DSE: variants seen among roughly 807,000 people sequenced by gnomAD.
DSE encodes dermatan sulfate epimerase.
Under a neutral mutation model 84.4 loss-of-function variants are expected in DSE, and 36 were observed. The ratio of observed to expected loss-of-function variants is 0.43; its 90% CI spans 0.33 to 0.56. DSE has a LOEUF of 0.56. Among genes scored for constraint, DSE ranks in the 20% least tolerant of loss-of-function variants. The pLI is 0.06. For synonymous variants in DSE, 410 were observed against 430.1 expected (o/e 0.95, Z 0.58); for missense variants, 862 against 1,169.6 (o/e 0.74, Z 3.84).
chr6:116,423,219 G>GCT (rs1783204530), intron 2 of DSE: 1 of 152,148 alleles, frequency 6.6e-6, no homozygotes, highest in African/African-American at 2.4e-5. Flanking sequence ...TAAAGTGTGA[G>GCT]TTCAAAAAGA....
intron 2 of DSE, among the ~76,000 whole-genome samples, chr6:116,301,172 GGAGA>G (rs375062902): frequency 3.3e-5 from 5 of 149,724 alleles, no homozygotes; most frequent in African/African-American, 2.5e-5. Context: ...AGGGAGGGAG[GGAGA>G]GAGAGAGAGA....
chr6:116,265,782 T>G (rs1772595289), intron 2 of DSE, among the ~76,000 whole-genome samples: 1 of 152,154 alleles, frequency 6.6e-6, no homozygotes, highest in Non-Finnish European at 1.5e-5. Context: ...AGTTCAGATC[T>G]GACAGTTCCC....
At position 116,435,444 on chromosome 6, in the gene DSE, G is replaced by T; in HGVS notation, c.1119-143G>T. On this transcript the variant is annotated intron_variant, in intron 5 of 5. Coordinates refer to ENST00000644252, the MANE Select transcript of DSE (RefSeq NM_013352.4). ...CCTTTGTGCATACTGGTTGTCCTTG[G>T]ATATTTTTAGAATTGTCCCTAATAT... 3.9e-6 allele frequency: 3 copies of T among 772,574 alleles called. 1 individual carries two copies. The South Asian group carries it at 6.0e-5, about 15-fold the overall frequency. 47.9% of individuals were successfully genotyped at this position (772,574 alleles called of 1,614,324 possible).
At chr6:116,405,432 C>T (rs1781861318) in intron 2 of DSE, among the ~76,000 whole-genome samples, 1 of 152,172 alleles carries the variant, frequency 6.6e-6, no homozygotes, top group African/African-American at 2.4e-5. Context: ...CTCGTGGAGA[C>T]AAATGCTGGG....
chr6:116,309,622 A>T (rs1775555981), intron 2 of DSE, among the ~76,000 whole-genome samples: 1 of 152,370 alleles, frequency 6.6e-6, no homozygotes. Context: ...TAAAGAGCAG[A>T]TACTTATTTC....
intron 2 of DSE, among the ~76,000 whole-genome samples, chr6:116,293,919 C>A (rs1279886882): frequency 6.6e-6 from 1 of 151,972 alleles, no homozygotes; most frequent in South Asian, 2.1e-4. Flanking sequence ...CCTTGGTGAT[C>A]TATTTGGTAA....
At position 116,435,741 on chromosome 6, in the gene DSE, C is replaced by T. The variant is rs746187739; in HGVS notation, c.1273C>T (p.Arg425Cys). The change falls in exon 6 of 6, where the codon CGT becomes TGT. Residue 425 changes from arginine to cysteine, a missense_variant. Physicochemically the swap from Arg to Cys is radical, Grantham distance 180. This residue lies in a region of DSE where 309 missense variants were observed against 516.9 expected (regional missense o/e 0.60). Coordinates refer to ENST00000644252, the MANE Select transcript of DSE (RefSeq NM_013352.4). ...LSFKSGKLGGRAIYDIVHRNK... is the reference protein window; with the variant it reads ...LSFKSGKLGGCAIYDIVHRNK... Reference sequence around the variant, plus strand: ...CTTCAAGTCTGGAAAACTGGGGGGACGTGCAATATATGACATTGTCCACAG... The same window carrying T: ...CTTCAAGTCTGGAAAACTGGGGGGATGTGCAATATATGACATTGTCCACAG... 19 of 1,613,836 alleles carry T rather than the reference C, an allele frequency of 1.2e-5. No individual in the cohort carries two copies. The highest frequency in any genetic ancestry group is 2.7e-5 in the African/African-American group (2 of 74,842).
intron 1 of DSE, among the ~76,000 whole-genome samples, chr6:116,391,548 C>T (rs495245): frequency 0.16 from 24,992 of 151,800 alleles, 2,309 homozygotes; most frequent in African/African-American, 0.26. Context: ...GGGCGGATCA[C>T]GAGGTCAGGA....
At chr6:116,431,597 G>T (rs1173849367) in intron 4 of DSE, among the ~76,000 whole-genome samples, 2 of 151,876 alleles carry the variant, frequency 1.3e-5, no homozygotes, top group Admixed American at 6.6e-5. Context: ...TTGGTTTTCA[G>T]TTTTTTCTTT....
chr6:116,258,589 T>C (rs1387057483), exon 2 of DSE: 1 of 1,607,326 alleles, frequency 6.2e-7, no homozygotes, highest in South Asian at 1.1e-5. Context: ...ATTGATGAGC[T>C]CCTCTGCCAG....
At chr6:116,279,666 C>T in intron 2 of DSE, 1 of 1,607,700 alleles carries the variant, frequency 6.2e-7, no homozygotes, top group Non-Finnish European at 8.5e-7. Flanking sequence ...GCGCGACGGT[C>T]TCCGAGCCTC....
chr6:116,261,139 T>C (rs1390184615), intron 2 of DSE, among the ~76,000 whole-genome samples: 2 of 152,156 alleles, frequency 1.3e-5, no homozygotes, highest in Non-Finnish European at 1.5e-5. Context: ...CCTTTATGCA[T>C]CTCCGATTTC....
intron 2 of DSE, among the ~76,000 whole-genome samples, chr6:116,300,062 CTG>C (rs1357108873): frequency 2.0e-5 from 3 of 152,150 alleles, no homozygotes; most frequent in African/African-American, 7.2e-5. Flanking sequence ...TCCAGAAAAA[CTG>C]TCAACTTTTC....
At chr6:116,349,311 A>C (rs2114846356) in intron 2 of DSE, among the ~76,000 whole-genome samples, 1 of 152,322 alleles carries the variant, frequency 6.6e-6, no homozygotes, top group Middle Eastern at 3.4e-3. Context: ...GTTGTGCTGA[A>C]ACACTTGAGC....
At chr6:116,385,682 T>G (rs1187175752) in intron 1 of DSE, among the ~76,000 whole-genome samples, 2 of 152,170 alleles carry the variant, frequency 1.3e-5, no homozygotes, top group African/African-American at 4.8e-5. Context: ...GAGTTGATTA[T>G]GATTCACAGG....
chr6:116,287,445 A>G (rs1478110932), intron 2 of DSE, among the ~76,000 whole-genome samples: 1 of 152,034 alleles, frequency 6.6e-6, no homozygotes, highest in Non-Finnish European at 1.5e-5. Flanking sequence ...GCATCATGTC[A>G]TAGTTTAATT....
chr6:116,386,749 A>T (rs1349093142), intron 1 of DSE, among the ~76,000 whole-genome samples: 1 of 152,236 alleles, frequency 6.6e-6, no homozygotes, highest in Non-Finnish European at 1.5e-5. Context: ...CCTCTTTATC[A>T]GGCAGAATAT....
At chr6:116,387,938 A>G (rs781381068) in intron 1 of DSE, among the ~76,000 whole-genome samples, 9 of 152,106 alleles carry the variant, frequency 5.9e-5, no homozygotes, top group Non-Finnish European at 1.2e-4. Flanking sequence ...GAGATTCTGG[A>G]GAGTGAGTAC....
Position 116,438,531 on chromosome 6 carries a change from A to C in DSE, c.*1186A>C, listed in dbSNP as rs1583241823. 1 of 152,144 alleles carries C rather than the reference A, an allele frequency of 6.6e-6. No homozygotes were observed. Among genetic ancestry groups the C allele is most frequent in the South Asian group, 2.1e-4 (1 of 4,832 alleles). 9.4% of individuals were successfully genotyped at this position (152,144 alleles called of 1,614,324 possible). On this transcript the variant is annotated 3_prime_UTR_variant, in exon 6 of 6. Transcript: ENST00000644252. ...TTTAAAAGCATAAAATTTTCAATCAACTCCTCAGAAGGTAACAGCAGCATA... is the reference window on the plus strand; with the variant it reads ...TTTAAAAGCATAAAATTTTCAATCACCTCCTCAGAAGGTAACAGCAGCATA...
Sources: allele counts gnomAD v4.1 joint callset (sites outside exome capture counted in the v4.1 genomes callset), GRCh38; gene constraint gnomAD v4.1.1; regional missense constraint gnomAD v4.1.1; transcripts MANE v1.5; gene names NCBI Gene and HGNC (gene_info 2026-07-23, HGNC 2026-07-21).